The following GTPBP6 variants were observed in gnomAD, a reference collection of about 807,000 sequenced individuals.
The protein encoded by GTPBP6 is GTP binding protein 6.
GTPBP6 carries 33 observed loss-of-function variants against 28.9 expected under a neutral mutation model. The observed-to-expected ratio is 1.14, with a 90% confidence interval of 0.87 to 1.53. The LOEUF is 1.53. GTPBP6 is among the 40% of genes most tolerant of loss of function. The probability of loss-of-function intolerance (pLI) is 0.00; values close to 1 mark genes in which losing one functional copy is unlikely to be tolerated. For missense variants in GTPBP6, 507 were observed against 408.3 expected, an observed-to-expected ratio of 1.24 and a Z score of -2.08; for synonymous variants, 231 against 192.7, an observed-to-expected ratio of 1.20 and a Z score of -1.65.
Position 315,705 on chromosome X carries a change from CAGTAAATACATCCCGACAGGGACAG to C in GTPBP6, c.488-431_488-407del, listed in dbSNP as rs2070422069. 3.6e-3 allele frequency among the ~76,000 whole-genome samples: 68 copies of C among 18,870 alleles called. 8 individuals carry two copies. The highest frequency in any genetic ancestry group is 6.9e-3 in the Non-Finnish European group (39 of 5,640). 12.4% of individuals were successfully genotyped at this position (18,870 alleles called of 152,430 possible). A position where few individuals can be genotyped will look rare whatever the true frequency, so the allele number is the denominator to read the frequency against. On this transcript the variant is annotated intron_variant, in intron 2 of 9. Transcript: ENST00000326153. ...ACACATACACACACACACACACACACAGTAAATACATCCCGACAGGGACAGACACACACACAGACACATACACAGA... is the reference window on the plus strand; with the variant it reads ...ACACATACACACACACACACACACACACACACACACAGACACATACACAGA...
chrX:304,891 C>G, exon 10 of GTPBP6: 2 of 1,440,728 alleles, frequency 1.4e-6, no homozygotes, highest in South Asian at 1.5e-5. Context: ...CGCTTTGGGG[C>G]AGGTGCGGCC....
chrX:309,290 C>G (rs28460549), intron 7 of GTPBP6, among the ~76,000 whole-genome samples: 67,047 of 151,862 alleles, frequency 0.44, 15,858 homozygotes, highest in African/African-American at 0.58. Context: ...CAGCACCCTA[C>G]GGCCGGGGGC....
chrX:315,874 GAC>G (rs1162125219), intron 2 of GTPBP6, among the ~76,000 whole-genome samples: 99 of 5,616 alleles, frequency 0.018, 45 homozygotes, highest in African/African-American at 0.034. Context: ...TACACATGCA[GAC>G]ACACACACAC....
chrX:305,483 G>A (rs1057156619), intron 9 of GTPBP6, among the ~76,000 whole-genome samples: 2 of 151,358 alleles, frequency 1.3e-5, no homozygotes, highest in Non-Finnish European at 2.9e-5. Context: ...CACCACACCT[G>A]GCTAATTTTT....
intron 2 of GTPBP6, among the ~76,000 whole-genome samples, 185 bp from the exon 3 acceptor site, chrX:315,484 G>C (rs1477805661): frequency 1.3e-5 from 2 of 149,588 alleles, no homozygotes; most frequent in African/African-American, 4.9e-5. Context: ...CTAGGAGTGT[G>C]TGTCTCAAAG....
At chrX:304,888 G>A (rs2070120278) in exon 10 of GTPBP6, 1 of 1,440,464 alleles carries the variant, frequency 6.9e-7, no homozygotes, top group Non-Finnish European at 9.1e-7. Context: ...GCCCGCTTTG[G>A]GGCAGGTGCG....
chrX:316,652 G>T (rs1440290301), intron 2 of GTPBP6, among the ~76,000 whole-genome samples: 1 of 152,156 alleles, frequency 6.6e-6, no homozygotes, highest in Non-Finnish European at 1.5e-5. Context: ...TACCCTGTTT[G>T]TTGGACTCTA....
exon 1 of GTPBP6, chrX:318,629 T>G (rs1195772427): frequency 5.0e-6 from 2 of 397,428 alleles, no homozygotes; most frequent in Non-Finnish European, 8.9e-6. Flanking sequence ...GGCCCCGCCC[T>G]CCGCCCCACG....
At chrX:315,503 A>G (rs1277527732) in intron 2 of GTPBP6, among the ~76,000 whole-genome samples, 1 of 151,632 alleles carries the variant, frequency 6.6e-6, no homozygotes, top group Admixed American at 6.6e-5. Flanking sequence ...AGACATAGAC[A>G]TGCATACGGT....
At chrX:307,419 C>G in exon 9 of GTPBP6, 4 of 1,612,408 alleles carry the variant, frequency 2.5e-6, no homozygotes, top group Non-Finnish European at 3.4e-6. Flanking sequence ...CCGTCGCCTT[C>G]AAAACCGCCG....
rs948969942 is a variant in GTPBP6, at chrX:304,800, G to T, written c.*274C>A. The stretch of plus-strand genomic sequence containing the variant: ...ATGTCCTGTTACGGAAACATTCCGA[G>T]GGAAAGCAGTTCACAGCAGGCACCG... On this transcript the variant is annotated 3_prime_UTR_variant, in exon 10 of 10. Transcript: ENST00000326153. The T allele has an allele frequency of 3.7e-6, 5 of 1,359,238 alleles. No homozygotes were observed. The Admixed American group carries it at 1.6e-4, about 45-fold the overall frequency. 84.2% of individuals were successfully genotyped at this position (1,359,238 alleles called of 1,614,324 possible).
At chrX:314,368 C>G (rs771897349) in intron 4 of GTPBP6, 151 bp from the exon 5 acceptor site, 2 of 711,410 alleles carry the variant, frequency 2.8e-6, no homozygotes, top group South Asian at 1.6e-5. Flanking sequence ...AGCTCACACA[C>G]TGTGAGTGAC....
chrX:317,569 T>TGGGTG (rs1187572118), intron 1 of GTPBP6, among the ~76,000 whole-genome samples: 2 of 117,548 alleles, frequency 1.7e-5, no homozygotes, highest in African/African-American at 6.4e-5. Flanking sequence ...GGGTGGGGGG[T>TGGGTG]GGGACTAGAC....
chrX:314,568 G>A (rs1434133652), intron 4 of GTPBP6, among the ~76,000 whole-genome samples: 3 of 151,944 alleles, frequency 2.0e-5, no homozygotes, highest in Non-Finnish European at 4.4e-5. Flanking sequence ...CACCTCTGGG[G>A]TTCACGCCAT....
exon 10 of GTPBP6, chrX:305,114 T>A: frequency 6.2e-7 from 1 of 1,613,446 alleles, no homozygotes; most frequent in Non-Finnish European, 8.5e-7. Flanking sequence ...GTAGGCTGAG[T>A]TGCTGATGAT....
rs1447526549 is a variant in GTPBP6, at chrX:312,756, G to A, written c.916+10C>T. 1.9e-5 allele frequency: 30 copies of A among 1,593,770 alleles called. No homozygotes were observed. Among genetic ancestry groups the A allele is most frequent in the South Asian group, 6.9e-5 (6 of 86,886 alleles). ...ACCGCGGAAGGCCCCTCCCCTGGGC[G>A]CGTGCTCACCGCAGTTGGTGTACCC... On this transcript the variant is annotated intron_variant, in intron 6 of 9. Transcript: ENST00000326153.
At chrX:312,960 C>T (rs7498293) in intron 5 of GTPBP6, 36 bp from the exon 6 acceptor site, 296,509 of 1,582,696 alleles carry the variant, frequency 0.19, 29,086 homozygotes, top group Admixed American at 0.29. Flanking sequence ...CGGTGAGCCA[C>T]GCCGGGAAAG....
rs1187572118 is a variant in GTPBP6 at position 317,569 on chromosome X, T to TGGGGGG, written c.350-519_350-518insCCCCCC. On this transcript the variant is annotated intron_variant, in intron 1 of 9. Coordinates refer to ENST00000326153, the Ensembl canonical transcript of GTPBP6. ...GCATTTCCTCCTGGGGGGTGGGGGG[T>TGGGGGG]GGGACTAGACACAGATTGGTCCGCT... Among the ~76,000 whole-genome samples, 155 of 117,656 alleles carry TGGGGGG rather than the reference T, an allele frequency of 1.3e-3. 2 individuals are homozygous for TGGGGGG. Among genetic ancestry groups the TGGGGGG allele is most frequent in the African/African-American group, 4.6e-3 (143 of 31,408 alleles). 77.2% of individuals were successfully genotyped at this position (117,656 alleles called of 152,430 possible).
intron 7 of GTPBP6, among the ~76,000 whole-genome samples, chrX:311,010 C>T (rs1431836948): frequency 6.6e-6 from 1 of 152,014 alleles, no homozygotes; most frequent in Non-Finnish European, 1.5e-5. Context: ...GGCACATAAG[C>T]CGGGAGAGGA....
Sources: gnomAD v4.1 joint callset for allele counts (sites outside exome capture counted in the v4.1 genomes callset) on GRCh38, gnomAD v4.1.1 for gene constraint, MANE v1.5 for transcripts, NCBI Gene and HGNC (gene_info 2026-07-23, HGNC 2026-07-21) for gene names.